The following CRACD variants were observed in gnomAD, a reference collection of about 807,000 sequenced individuals.
The protein encoded by CRACD is capping protein inhibiting regulator of actin dynamics.
In CRACD, 56 loss-of-function variants were observed where a neutral mutation model predicts 106.8. The ratio of observed to expected loss-of-function variants is 0.52; its 90% confidence interval spans 0.42 to 0.66. The LOEUF is 0.66. Among genes scored for constraint, CRACD ranks in the 30% least tolerant of loss-of-function variants. The pLI, the probability that CRACD is intolerant of heterozygous loss-of-function variation, is 0.00. For synonymous variants in CRACD, 754 were observed against 670.8 expected (o/e 1.12, Z -1.92); for missense variants, 1,730 against 1,623.2 (o/e 1.07, Z -1.13).
chr4:56,318,567 A>T (rs1017553120), intron 8 of CRACD, among the ~76,000 whole-genome samples: 1 of 152,106 alleles, frequency 6.6e-6, no homozygotes, highest in African/African-American at 2.4e-5. Context: ...TGATTATTAT[A>T]ATTTTCTCCC....
At chr4:56,268,663 C>T (rs192726626) in intron 2 of CRACD, among the ~76,000 whole-genome samples, 4 of 152,206 alleles carry the variant, frequency 2.6e-5, no homozygotes, top group East Asian at 1.9e-4. Context: ...CTTGGACAGT[C>T]GTAGAGAAAG....
At position 56,220,337 on chromosome 4, in the gene CRACD, C is replaced by T. The variant is rs139721860; in HGVS notation, c.-189+40907C>T. Among the ~76,000 whole-genome samples, 616 of 152,268 alleles carry T rather than the reference C, an allele frequency of 4.0e-3. 2 individuals are homozygous for T. The highest frequency in any genetic ancestry group is 0.014 in the African/African-American group (588 of 41,544). On this transcript the variant is annotated intron_variant, in intron 2 of 10. Coordinates refer to ENST00000682029, the MANE Select transcript of CRACD (RefSeq NM_001393381.1). ...GATTTCCAGTCTCTGCTCTTGTAAC[C>T]AACTGTTGCCTCTCCCTAAATAAGC...
chr4:56,091,634 T>G (rs1733429156), intron 1 of CRACD, among the ~76,000 whole-genome samples: 3 of 152,108 alleles, frequency 2.0e-5, no homozygotes, highest in Non-Finnish European at 2.9e-5. Context: ...TTGAGGAGGT[T>G]TTGCTTTACT....
chr4:56,090,067 A>G (rs1451330474), intron 1 of CRACD, among the ~76,000 whole-genome samples: 1 of 152,108 alleles, frequency 6.6e-6, no homozygotes, highest in Non-Finnish European at 1.5e-5. Flanking sequence ...TGAGGGGATA[A>G]CAGTGGAGAG....
intron 2 of CRACD, among the ~76,000 whole-genome samples, chr4:56,231,717 G>A (rs1560494050): frequency 6.6e-6 from 1 of 152,214 alleles, no homozygotes; most frequent in African/African-American, 2.4e-5. Flanking sequence ...TAAAGTACAG[G>A]AAAAACCAAG....
chr4:56,192,445 T>C (rs540684637), intron 2 of CRACD, among the ~76,000 whole-genome samples: 3 of 151,874 alleles, frequency 2.0e-5, no homozygotes, highest in South Asian at 4.2e-4. Context: ...CTTTTAACAA[T>C]GTCATATCCA....
Position 56,068,743 on chromosome 4 carries a change from T to TC in CRACD, c.-336+19444_-336+19445insC, listed in dbSNP as rs1408441876. ...AAGGTTTTTGCCCTGACTGAGGTGG[T>TC]AGGACTACAGCGGGGGATGGATTTT... On this transcript the variant is annotated intron_variant, in intron 1 of 10. Transcript: ENST00000682029. 2.0e-5 allele frequency among the ~76,000 whole-genome samples: 3 copies of TC among 152,082 alleles called. No individual in the cohort carries two copies. The East Asian group carries it at 5.8e-4, about 29-fold the overall frequency.
At chr4:56,254,444 T>G (rs1020770265) in intron 2 of CRACD, among the ~76,000 whole-genome samples, 2 of 151,938 alleles carry the variant, frequency 1.3e-5, no homozygotes, top group Middle Eastern at 3.4e-3. Context: ...TGTAGCACTA[T>G]TCACAGATCG....
At chr4:56,258,210 A>G (rs954802916) in intron 2 of CRACD, among the ~76,000 whole-genome samples, 1 of 152,208 alleles carries the variant, frequency 6.6e-6, no homozygotes, top group African/African-American at 2.4e-5. Flanking sequence ...ATTGATTCCA[A>G]GACTTTAGAT....
At chr4:56,304,446 A>G (rs1232594319) in intron 4 of CRACD, among the ~76,000 whole-genome samples, 1 of 151,852 alleles carries the variant, frequency 6.6e-6, no homozygotes, top group Admixed American at 6.6e-5. Flanking sequence ...CTTAAGCATC[A>G]GGATGGACCA....
chr4:56,116,413 G>T (rs924545452), intron 1 of CRACD, among the ~76,000 whole-genome samples: 7 of 152,190 alleles, frequency 4.6e-5, no homozygotes, highest in Non-Finnish European at 1.0e-4. Flanking sequence ...TACAAGGTCA[G>T]AGTAAGTAAT....
chr4:56,228,415 G>T (rs1300157959), intron 2 of CRACD, among the ~76,000 whole-genome samples: 1 of 152,046 alleles, frequency 6.6e-6, no homozygotes, highest in Non-Finnish European at 1.5e-5. Flanking sequence ...AATTGCTTAG[G>T]TGGAAGGTTA....
chr4:56,107,084 C>T (rs538695919), intron 1 of CRACD, among the ~76,000 whole-genome samples: 60 of 152,176 alleles, frequency 3.9e-4, no homozygotes, highest in African/African-American at 1.3e-3. Flanking sequence ...GATCCTCCCC[C>T]CTTTTAGCCT....
At chr4:56,298,551 C>A (rs1035011363) in intron 4 of CRACD, among the ~76,000 whole-genome samples, 1 of 152,204 alleles carries the variant, frequency 6.6e-6, no homozygotes, top group Non-Finnish European at 1.5e-5. Context: ...ATCACCACTG[C>A]AGCCATCTGC....
intron 1 of CRACD, among the ~76,000 whole-genome samples, chr4:56,094,787 T>C (rs1414153702): frequency 6.6e-6 from 1 of 152,212 alleles, no homozygotes; most frequent in Admixed American, 6.5e-5. Context: ...TAAACTACAT[T>C]TCTGGTAATA....
At chr4:56,191,519 T>C (rs1737367629) in intron 2 of CRACD, among the ~76,000 whole-genome samples, 1 of 152,148 alleles carries the variant, frequency 6.6e-6, no homozygotes, top group South Asian at 2.1e-4. Context: ...CTTGTGAATA[T>C]ACTGGGCCCA....
intron 2 of CRACD, among the ~76,000 whole-genome samples, chr4:56,186,785 G>C (rs1737111545): frequency 1.3e-5 from 2 of 152,214 alleles, no homozygotes; most frequent in South Asian, 4.1e-4. Context: ...CAGGGGGCCA[G>C]GCACGGTGGC....
intron 2 of CRACD, among the ~76,000 whole-genome samples, chr4:56,203,183 G>A (rs549387345): frequency 3.9e-5 from 6 of 152,190 alleles, no homozygotes; most frequent in Non-Finnish European, 7.3e-5. Flanking sequence ...CTGTAATCTA[G>A]CCAGCAAGTA....
intron 3 of CRACD, among the ~76,000 whole-genome samples, chr4:56,285,107 G>T (rs1743261366): frequency 6.6e-6 from 1 of 152,210 alleles, no homozygotes; most frequent in Non-Finnish European, 1.5e-5. Context: ...CCATGGTGGA[G>T]CAGGAGAGAC....
Sources: allele counts gnomAD v4.1 joint callset (sites outside exome capture counted in the v4.1 genomes callset), GRCh38; gene constraint gnomAD v4.1.1; transcripts MANE v1.5; gene names NCBI Gene and HGNC (gene_info 2026-07-23, HGNC 2026-07-21).